Variants in OGDH observed in about 807,000 individuals in gnomAD.
The protein encoded by OGDH is oxoglutarate dehydrogenase, also known as 2-oxoglutarate dehydrogenase complex component E1.
In OGDH, 38 loss-of-function variants were observed where a neutral mutation model predicts 116.6. The observed-to-expected ratio is 0.33, with a 90% CI of 0.25 to 0.43. OGDH has a LOEUF of 0.43. Among genes scored for constraint, OGDH ranks in the 20% least tolerant of loss-of-function variants. OGDH has a pLI of 1.00. For missense variants in OGDH, 825 were observed against 1,357.2 expected (o/e 0.61, Z 6.16); for synonymous variants, 488 against 533.3 (o/e 0.92, Z 1.17).
intron 7 of OGDH, chr7:44,674,851 C>T (rs1250002039): frequency 1.9e-5 from 10 of 532,462 alleles, no homozygotes; most frequent in Admixed American, 9.4e-5. Context: ...TGGGGTCTAA[C>T]CTGGAGGGAA....
chr7:44,628,943 C>T (rs1785311860), intron 2 of OGDH, among the ~76,000 whole-genome samples: 1 of 152,152 alleles, frequency 6.6e-6, no homozygotes, highest in Non-Finnish European at 1.5e-5. Context: ...TTTGTTCCTA[C>T]CTTTGGTCCT....
At chr7:44,637,339 C>T (rs1585260183) in intron 2 of OGDH, among the ~76,000 whole-genome samples, 3 of 152,204 alleles carry the variant, frequency 2.0e-5, no homozygotes, top group South Asian at 2.1e-4. Context: ...TCTTACTCTT[C>T]GTTTCTCAGC....
chr7:44,685,201 C>T (rs1788078292), intron 10 of OGDH, among the ~76,000 whole-genome samples: 1 of 152,198 alleles, frequency 6.6e-6, no homozygotes, highest in Non-Finnish European at 1.5e-5. Flanking sequence ...ACCATCACCA[C>T]CACCCATCTC....
At chr7:44,612,027 C>T (rs1476747854) in intron 1 of OGDH, among the ~76,000 whole-genome samples, 2 of 152,068 alleles carry the variant, frequency 1.3e-5, no homozygotes, top group African/African-American at 2.4e-5. Flanking sequence ...CCCATTAACT[C>T]GTCATTTACA....
intron 9 of OGDH, among the ~76,000 whole-genome samples, chr7:44,680,508 G>T (rs1787881308): frequency 6.6e-6 from 1 of 150,934 alleles, no homozygotes; most frequent in Admixed American, 6.6e-5. Context: ...AAAATTTGGA[G>T]GTATCAATAC....
At chr7:44,668,026 G>T (rs1787260414) in intron 5 of OGDH, among the ~76,000 whole-genome samples, 1 of 152,156 alleles carries the variant, frequency 6.6e-6, no homozygotes, top group Admixed American at 6.5e-5. Flanking sequence ...CACAGCCCAG[G>T]TCCCCTAAAT....
chr7:44,611,594 T>A (rs948353614), intron 1 of OGDH, among the ~76,000 whole-genome samples: 10 of 151,844 alleles, frequency 6.6e-5, no homozygotes, highest in Non-Finnish European at 1.0e-4. Context: ...GTATTTTTTG[T>A]AGGGACGGGT....
chr7:44,638,321 A>G (rs983485750), intron 2 of OGDH, among the ~76,000 whole-genome samples: 1 of 152,168 alleles, frequency 6.6e-6, no homozygotes, highest in Non-Finnish European at 1.5e-5. Context: ...CCAAGTACTA[A>G]AGTAAGGCCC....
chr7:44,708,634 G>T lies in OGDH; in HGVS notation c.*635G>T, dbSNP rs1024636894. 1 of 152,248 alleles carries T rather than the reference G, an allele frequency of 6.6e-6. No homozygotes were observed. Among genetic ancestry groups the T allele is most frequent in the African/African-American group, 2.4e-5 (1 of 41,432 alleles). 9.4% of individuals were successfully genotyped at this position (152,248 alleles called of 1,614,324 possible). On this transcript the variant is annotated 3_prime_UTR_variant, in exon 23 of 23. Coordinates refer to ENST00000222673, the MANE Select transcript of OGDH (RefSeq NM_002541.4). ...TTCGAGGGTTCCAGGCTGTGTGTGG[G>T]GCCCAAGCATGCCCCACCCACCCCT...
rs560932172 is a variant in OGDH at position 44,611,522 on chromosome 7, C to T, written c.-28+4869C>T. 6.6e-5 allele frequency among the ~76,000 whole-genome samples: 10 copies of T among 152,090 alleles called. No individual in the cohort carries two copies. The East Asian group carries it at 9.7e-4, about 15-fold the overall frequency. ...GATCTCCTGACCTCGTGATCCCCCCCGCCTCGGCCTCCCAAAGTGCTGGGA... is the reference window on the plus strand; with the variant it reads ...GATCTCCTGACCTCGTGATCCCCCCTGCCTCGGCCTCCCAAAGTGCTGGGA... On this transcript the variant is annotated intron_variant, in intron 1 of 22. Coordinates refer to ENST00000222673, the MANE Select transcript of OGDH (RefSeq NM_002541.4).
At position 44,694,005 on chromosome 7, in the gene OGDH, G is replaced by A. The variant is rs1311429980; in HGVS notation, c.1515+1G>A. 2 of 1,610,888 alleles carry A rather than the reference G, an allele frequency of 1.2e-6. No homozygotes were observed. Among genetic ancestry groups the A allele is most frequent in the Non-Finnish European group, 1.7e-6 (2 of 1,177,496 alleles). On this transcript the variant is annotated splice_donor_variant, in intron 11 of 22. Transcript: ENST00000222673. LOFTEE classifies it high-confidence loss of function. This position sits in a 1 kb window ranked among gnomAD's most constrained non-coding sequence, Gnocchi z 4.2. Reference sequence around the variant, plus strand: ...CCACAAGGACGTGGTTGTCGATTTGGTGAGTGACTCTGGGGACAGCACGTC... The same window carrying A: ...CCACAAGGACGTGGTTGTCGATTTGATGAGTGACTCTGGGGACAGCACGTC...
At chr7:44,670,785 C>T (rs1023388708) in intron 5 of OGDH, among the ~76,000 whole-genome samples, 20 of 151,880 alleles carry the variant, frequency 1.3e-4, no homozygotes, top group African/African-American at 2.2e-4. Context: ...CCAAGGCGGG[C>T]GAATCACGAG....
intron 5 of OGDH, 75 bp downstream of exon 5, chr7:44,666,926 T>G: frequency 1.2e-6 from 1 of 853,722 alleles, no homozygotes; most frequent in East Asian, 2.8e-5. Context: ...GAGACTAGTT[T>G]TATTTTTTTT....
In OGDH at chr7:44,695,801, AT is replaced by A; in HGVS notation, c.1669-223del. Reference sequence around the variant, plus strand: ...GAAGAAACTTTTGGGAGTGAAAAGAATAAAATCTTAGAAAGGTGTTATGCCT... The same window carrying A: ...GAAGAAACTTTTGGGAGTGAAAAGAAAAAATCTTAGAAAGGTGTTATGCCT... On this transcript the variant is annotated intron_variant, in intron 12 of 22. Transcript: ENST00000222673. 2.0e-5 allele frequency among the ~76,000 whole-genome samples: 3 copies of A among 152,290 alleles called. No individual in the cohort carries two copies. The Middle Eastern group carries it at 0.01, about 522-fold the overall frequency.
At chr7:44,619,348 C>A (rs1353108638) in intron 1 of OGDH, among the ~76,000 whole-genome samples, 1 of 152,094 alleles carries the variant, frequency 6.6e-6, no homozygotes, top group Non-Finnish European at 1.5e-5. Flanking sequence ...TGGGATTGAG[C>A]CCTTGACCTG....
chr7:44,665,473 G>C (rs1253962020), intron 4 of OGDH, among the ~76,000 whole-genome samples: 3 of 152,192 alleles, frequency 2.0e-5, no homozygotes, highest in Non-Finnish European at 2.9e-5. Flanking sequence ...CACCTTGGGA[G>C]ATTTGTGGGC....
At chr7:44,664,539 G>A (rs1787095507) in intron 4 of OGDH, among the ~76,000 whole-genome samples, 1 of 152,148 alleles carries the variant, frequency 6.6e-6, no homozygotes. Flanking sequence ...ACCTCTTAAA[G>A]TTTTGGGGTT....
At chr7:44,615,453 G>A (rs187014007) in intron 1 of OGDH, among the ~76,000 whole-genome samples, 100 of 152,308 alleles carry the variant, frequency 6.6e-4, no homozygotes, top group Middle Eastern at 3.4e-3. Flanking sequence ...ATCTTATCAG[G>A]GAGTGAGTTG....
In OGDH at chr7:44,694,073, C is replaced by A; in HGVS notation, c.1515+69C>A. On this transcript the variant is annotated intron_variant, in intron 11 of 22. Transcript: ENST00000222673. The surrounding 1 kb of genome is among the most constrained non-coding windows in gnomAD (Gnocchi z 4.2). The stretch of plus-strand genomic sequence containing the variant: ...CCCACCCCTCTTGCCCTCGGCACCC[C>A]TGTGTCCCAAGGAGAGGAGCTTGTC... 1 of 1,498,896 alleles carries A rather than the reference C, an allele frequency of 6.7e-7. No individual in the cohort carries two copies. Among genetic ancestry groups the A allele is most frequent in the Non-Finnish European group, 9.0e-7 (1 of 1,106,228 alleles). The allele number at this position is 1,498,896 out of a possible 1,614,324, so 92.8% of individuals were successfully genotyped here.
Sources: gnomAD v4.1 joint callset for allele counts (sites outside exome capture counted in the v4.1 genomes callset) on GRCh38, gnomAD v4.1.1 for gene constraint, Gnocchi (gnomAD v3.1) non-coding constraint, MANE v1.5 for transcripts, NCBI Gene and HGNC (gene_info 2026-07-23, HGNC 2026-07-21) for gene names.